Variants in ZFPM2 observed in about 807,000 individuals in gnomAD.
ZFPM2 encodes the protein zinc finger protein ZFPM2.
A neutral mutation model predicts 98.6 loss-of-function variants in ZFPM2; 20 were observed. That is an observed-to-expected ratio of 0.20 (90% confidence interval 0.14 to 0.29). ZFPM2 has a LOEUF of 0.29. Among genes scored for constraint, ZFPM2 ranks in the 10% least tolerant of loss-of-function variants. The pLI is 1.00. For missense variants in ZFPM2, 1,310 were observed against 1,388.6 expected, an observed-to-expected ratio of 0.94 and a Z score of 0.90; for synonymous variants, 518 against 502.7, an observed-to-expected ratio of 1.03 and a Z score of -0.41.
intron 3 of ZFPM2, among the ~76,000 whole-genome samples, chr8:105,529,827 A>G (rs936008913): frequency 2.6e-5 from 4 of 151,634 alleles, no homozygotes; most frequent in African/African-American, 9.7e-5. Context: ...GCCTCCCAGG[A>G]TCAAGCAATT....
intron 3 of ZFPM2, among the ~76,000 whole-genome samples, chr8:105,516,137 G>A (rs1224180370): frequency 6.6e-6 from 1 of 151,936 alleles, no homozygotes; most frequent in Non-Finnish European, 1.5e-5. Context: ...TGTTGGCCAG[G>A]CTGGTCTTGA....
chr8:105,320,567 T>A (rs1157827747), intron 1 of ZFPM2, among the ~76,000 whole-genome samples: 1 of 152,242 alleles, frequency 6.6e-6, no homozygotes, highest in Non-Finnish European at 1.5e-5. Context: ...AAAACCGTGC[T>A]TATTATAAGA....
chr8:105,625,584 A>AT (rs71305169), intron 4 of ZFPM2, among the ~76,000 whole-genome samples: 29,013 of 142,618 alleles, frequency 0.2, 2,851 homozygotes, highest in South Asian at 0.26. Flanking sequence ...GTGAAAACCT[A>AT]TTTTTTTTTT....
chr8:105,657,675 C>T (rs1817311611), intron 5 of ZFPM2, among the ~76,000 whole-genome samples: 1 of 152,166 alleles, frequency 6.6e-6, no homozygotes, highest in Non-Finnish European at 1.5e-5. Context: ...TATGCAGTAT[C>T]TCCTTGTAGC....
At chr8:105,440,746 C>T (rs1242649834) in intron 2 of ZFPM2, among the ~76,000 whole-genome samples, 1 of 152,156 alleles carries the variant, frequency 6.6e-6, no homozygotes, top group Non-Finnish European at 1.5e-5. Context: ...TCACTGCTAG[C>T]AACTGAAGAC....
intron 3 of ZFPM2, among the ~76,000 whole-genome samples, chr8:105,503,798 G>A (rs533536923): frequency 1.6e-4 from 24 of 152,310 alleles, no homozygotes; most frequent in African/African-American, 5.5e-4. Context: ...ATGTGGTAGA[G>A]GAGGAAAAGT....
At chr8:105,785,970 A>G (rs1813403027) in intron 5 of ZFPM2, among the ~76,000 whole-genome samples, 1 of 142,656 alleles carries the variant, frequency 7.0e-6, no homozygotes, top group Admixed American at 7.6e-5. Context: ...TGAAACCCAG[A>G]GGCAGAGCTT....
At chr8:105,531,029 C>T (rs1200963727) in intron 3 of ZFPM2, among the ~76,000 whole-genome samples, 1 of 152,014 alleles carries the variant, frequency 6.6e-6, no homozygotes, top group African/African-American at 2.4e-5. Context: ...AAATAATTGT[C>T]TTAAAGAATC....
chr8:105,728,451 C>T (rs946371533), intron 5 of ZFPM2, among the ~76,000 whole-genome samples: 2 of 151,712 alleles, frequency 1.3e-5, no homozygotes, highest in Admixed American at 6.6e-5. Context: ...TGGAACGATG[C>T]TTATCTTGTG....
At chr8:105,366,444 AT>A (rs1255872652) in intron 1 of ZFPM2, among the ~76,000 whole-genome samples, 1 of 152,124 alleles carries the variant, frequency 6.6e-6, no homozygotes, top group African/African-American at 2.4e-5. Context: ...CTGAATCTTT[AT>A]TTACATGGAA....
intron 4 of ZFPM2, among the ~76,000 whole-genome samples, chr8:105,607,344 T>C (rs1816216425): frequency 6.6e-6 from 1 of 152,072 alleles, no homozygotes; most frequent in Non-Finnish European, 1.5e-5. Flanking sequence ...TACATTAAAA[T>C]GTAATAAATT....
chr8:105,711,300 C>T (rs1005309274), intron 5 of ZFPM2, among the ~76,000 whole-genome samples: 5 of 152,066 alleles, frequency 3.3e-5, no homozygotes, highest in African/African-American at 1.2e-4. Flanking sequence ...ATCTTATATT[C>T]CTCTTACTTC....
chr8:105,462,173 T>G (rs1260621827), intron 3 of ZFPM2, among the ~76,000 whole-genome samples: 1 of 152,176 alleles, frequency 6.6e-6, no homozygotes, highest in Non-Finnish European at 1.5e-5. Flanking sequence ...TCATCATGTA[T>G]GTGTCTTCAT....
chr8:105,610,257 A>G (rs1175112463), intron 4 of ZFPM2, among the ~76,000 whole-genome samples: 2 of 152,122 alleles, frequency 1.3e-5, no homozygotes, highest in Admixed American at 1.3e-4. Flanking sequence ...CTTATCATAT[A>G]CCTACCTTGA....
chr8:105,383,059 A>G (rs1406398173), intron 1 of ZFPM2, among the ~76,000 whole-genome samples: 2 of 152,150 alleles, frequency 1.3e-5, no homozygotes, highest in Non-Finnish European at 2.9e-5. Flanking sequence ...AGAGAGGAAT[A>G]AGGGTAGGCT....
At chr8:105,489,414 T>G (rs1367274937) in intron 3 of ZFPM2, among the ~76,000 whole-genome samples, 5 of 146,610 alleles carry the variant, frequency 3.4e-5, no homozygotes, top group African/African-American at 1.2e-4. Flanking sequence ...TATTTATAGA[T>G]ATATCTTTTA....
chr8:105,802,518 C>T lies in ZFPM2; in HGVS notation c.2436C>T (p.Ser812=). The T allele has an allele frequency of 6.2e-7, 1 of 1,611,980 alleles. No individual in the cohort carries two copies. Among genetic ancestry groups the T allele is most frequent in the Non-Finnish European group, 8.5e-7 (1 of 1,179,002 alleles). Residue 812 remains serine (S), a synonymous_variant, in exon 8 of 8, where the codon TCC becomes TCT. Transcript: ENST00000407775. ...SLTINKCVPV[S]KCDTTHSSVS... ...CGATCAACAAGTGTGTTCCAGTTTC[C>T]AAATGTGATACTACTCATTCCAGTG...
intron 3 of ZFPM2, among the ~76,000 whole-genome samples, chr8:105,470,712 A>T (rs1812886709): frequency 6.6e-6 from 1 of 152,060 alleles, no homozygotes; most frequent in Non-Finnish European, 1.5e-5. Flanking sequence ...CAGGAGGTGG[A>T]GGTTGCAGTG....
intron 4 of ZFPM2, among the ~76,000 whole-genome samples, chr8:105,627,162 A>T (rs1188339866): frequency 1.3e-5 from 2 of 152,176 alleles, no homozygotes; most frequent in Non-Finnish European, 2.9e-5. Context: ...TTGACTATAA[A>T]CATTTATTGA....
Sources: gnomAD v4.1 joint callset for allele counts (sites outside exome capture counted in the v4.1 genomes callset) on GRCh38, gnomAD v4.1.1 for gene constraint, MANE v1.5 for transcripts, NCBI Gene and HGNC (gene_info 2026-07-23, HGNC 2026-07-21) for gene names.